Variants in RAD51B observed in about 807,000 individuals in gnomAD.
The protein encoded by RAD51B is RAD51 paralog B.
RAD51B carries 38 observed loss-of-function variants against 42.2 expected under a neutral mutation model. The observed-to-expected ratio is 0.90, with a 90% CI of 0.70 to 1.18. The LOEUF (loss-of-function observed/expected upper bound fraction) is 1.18. Ranked by LOEUF, RAD51B falls within the 50% of genes most tolerant of loss-of-function variation. RAD51B has a pLI of 0.00. For missense variants in RAD51B, 373 were observed against 400.7 expected, an observed-to-expected ratio of 0.93 and a Z score of 0.59; for synonymous variants, 154 against 145.2, an observed-to-expected ratio of 1.06 and a Z score of -0.43.
chr14:68,446,414 T>A (rs1269461700), intron 9 of RAD51B, among the ~76,000 whole-genome samples: 1 of 152,230 alleles, frequency 6.6e-6, no homozygotes, highest in East Asian at 1.9e-4. Context: ...ACTATGATTT[T>A]CCTGTAAGGA....
At chr14:68,381,857 C>G (rs1379183970) in intron 8 of RAD51B, among the ~76,000 whole-genome samples, 4 of 152,222 alleles carry the variant, frequency 2.6e-5, no homozygotes, top group African/African-American at 9.6e-5. Flanking sequence ...GAAACAGCTT[C>G]TGCTCAGTTT....
chr14:68,094,686 C>A (rs1238411990), intron 7 of RAD51B, among the ~76,000 whole-genome samples: 3 of 151,814 alleles, frequency 2.0e-5, no homozygotes, highest in Admixed American at 2.0e-4. Flanking sequence ...AATAGTATAC[C>A]CTGAATTGAG....
chr14:68,085,163 T>C (rs1350223844), intron 7 of RAD51B, among the ~76,000 whole-genome samples: 1 of 152,170 alleles, frequency 6.6e-6, no homozygotes, highest in Admixed American at 6.5e-5. Context: ...CTTTGAGACA[T>C]CCACAAGGAA....
chr14:67,958,465 C>G (rs983468068), intron 7 of RAD51B, among the ~76,000 whole-genome samples: 2 of 152,138 alleles, frequency 1.3e-5, no homozygotes, highest in African/African-American at 4.8e-5. Context: ...GAGAAGCCAC[C>G]CACATTGGTT....
chr14:67,872,474 G>A (rs1304722527), intron 5 of RAD51B, among the ~76,000 whole-genome samples: 7 of 148,210 alleles, frequency 4.7e-5, no homozygotes, highest in African/African-American at 7.5e-5. Flanking sequence ...CCATGCTCAC[G>A]GGTAGGAAGA....
Position 68,007,063 on chromosome 14 carries a change from A to G in RAD51B, c.756+119859A>G, listed in dbSNP as rs139289163. ...CCCAGCTCCTGGCACCCTCTAATCT[A>G]TTAGTTTTCTGTCACTGTGTATTCG... On this transcript the variant is annotated intron_variant, in intron 7 of 10. Transcript: ENST00000471583. 2.6e-3 allele frequency among the ~76,000 whole-genome samples: 403 copies of G among 152,092 alleles called. 1 individual carries two copies. Among genetic ancestry groups the G allele is most frequent in the Non-Finnish European group, 4.6e-3 (315 of 67,934 alleles).
chr14:68,240,730 T>C lies in RAD51B; in HGVS notation c.757-51154T>C, dbSNP rs536000123. Among the ~76,000 whole-genome samples the C allele has an allele frequency of 2.0e-5, 3 of 152,354 alleles. No homozygotes were observed. The South Asian group carries it at 6.2e-4, about 32-fold the overall frequency. On this transcript the variant is annotated intron_variant, in intron 7 of 10. Transcript: ENST00000471583. ...GACATTAGCCCAAGGAAATTTGCCT[T>C]GATGTTTTTCTTCCTGAAGAAATAT...
rs77057276 is a variant in RAD51B at position 68,245,691 on chromosome 14, A to T, written c.757-46193A>T. Among the ~76,000 whole-genome samples the T allele has an allele frequency of 6.7e-4, 102 of 152,346 alleles. 1 individual carries two copies. In the East Asian group the frequency reaches 0.019, roughly 29 times the overall value. On this transcript the variant is annotated intron_variant, in intron 7 of 10. Coordinates refer to ENST00000471583, the MANE Select transcript of RAD51B (RefSeq NM_133510.4). Reference sequence around the variant, plus strand: ...GGCGAATTCCTGCTCTCACAAGTTGAATAGGGCTCTAATCCCACAATCTGA... The same window carrying T: ...GGCGAATTCCTGCTCTCACAAGTTGTATAGGGCTCTAATCCCACAATCTGA...
chr14:68,135,999 T>C (rs10149801), intron 7 of RAD51B, among the ~76,000 whole-genome samples: 17,084 of 152,094 alleles, frequency 0.11, 2,916 homozygotes, highest in African/African-American at 0.37. Flanking sequence ...TCTTGGTCCT[T>C]ATATTATTTA....
At chr14:68,538,342 C>T (rs531340744) in intron 10 of RAD51B, among the ~76,000 whole-genome samples, 8 of 152,206 alleles carry the variant, frequency 5.3e-5, no homozygotes, top group Non-Finnish European at 7.4e-5. Context: ...AGGGGAGGGC[C>T]GGGGGCCAGG....
At chr14:68,330,030 T>C (rs1210320528) in intron 8 of RAD51B, among the ~76,000 whole-genome samples, 1 of 141,194 alleles carries the variant, frequency 7.1e-6, no homozygotes, top group African/African-American at 2.6e-5. Flanking sequence ...AAGTAAAGAG[T>C]CAATTATGTT....
chr14:67,873,531 G>C (rs952923230), intron 5 of RAD51B, among the ~76,000 whole-genome samples: 5 of 151,288 alleles, frequency 3.3e-5, no homozygotes, highest in Non-Finnish European at 7.4e-5. Context: ...TCAGTGTGGC[G>C]ATTCCTCAGG....
chr14:68,114,127 A>G (rs1446248875), intron 7 of RAD51B: 1 of 152,134 alleles, frequency 6.6e-6, no homozygotes, highest in Non-Finnish European at 1.5e-5. Context: ...TGTGAACTCA[A>G]CTGTGCCCTA....
intron 7 of RAD51B, among the ~76,000 whole-genome samples, chr14:68,257,472 A>C (rs2139526071): frequency 6.6e-6 from 1 of 152,284 alleles, no homozygotes; most frequent in South Asian, 2.1e-4. Context: ...AAAATGGAAG[A>C]ATTAAACTGT....
chr14:68,327,728 A>T (rs538413665), intron 8 of RAD51B, among the ~76,000 whole-genome samples: 185 of 42,748 alleles, frequency 4.3e-3, no homozygotes, highest in African/African-American at 7.0e-3. Flanking sequence ...AGGTATTATT[A>T]AAAAAAAGTA....
intron 7 of RAD51B, among the ~76,000 whole-genome samples, chr14:68,260,955 C>T (rs1429098126): frequency 6.6e-6 from 1 of 152,212 alleles, no homozygotes; most frequent in Non-Finnish European, 1.5e-5. Context: ...TGTTAATCTT[C>T]CATTAGTTCT....
rs117488615 is a variant in RAD51B at position 67,911,469 on chromosome 14, G to C, written c.756+24265G>C. On this transcript the variant is annotated intron_variant, in intron 7 of 10. Coordinates refer to ENST00000471583, the MANE Select transcript of RAD51B (RefSeq NM_133510.4). ...GGATGCATCCTGATATGACATTCTG[G>C]AGTTGTTGTTTGTTTTCTTGTTTGT... 9.1e-3 allele frequency among the ~76,000 whole-genome samples: 1,379 copies of C among 152,192 alleles called. 16 individuals are homozygous for C. The highest frequency in any genetic ancestry group is 0.031 in the Middle Eastern group (9 of 294).
At chr14:68,472,925 G>A (rs1026686297) in intron 10 of RAD51B, among the ~76,000 whole-genome samples, 1 of 152,200 alleles carries the variant, frequency 6.6e-6, no homozygotes. Context: ...CTTTTGAAAT[G>A]TATCAGGACA....
intron 10 of RAD51B, chr14:68,540,847 CATT>C: frequency 1.0e-6 from 1 of 985,336 alleles, no homozygotes; most frequent in Non-Finnish European, 1.2e-6. Context: ...AGGAAACAGA[CATT>C]ATTGGAATAA....
Sources: allele counts gnomAD v4.1 joint callset (sites outside exome capture counted in the v4.1 genomes callset), GRCh38; gene constraint gnomAD v4.1.1; transcripts MANE v1.5; gene names NCBI Gene and HGNC (gene_info 2026-07-23, HGNC 2026-07-21).